Variants in ZBTB16 observed in about 807,000 individuals in gnomAD.
The protein encoded by ZBTB16 is zinc finger and BTB domain-containing protein 16.
A neutral mutation model predicts 56.8 loss-of-function variants in ZBTB16; 8 were observed. That is an observed-to-expected ratio of 0.14 (90% CI 0.08 to 0.25). ZBTB16 has a LOEUF of 0.25. ZBTB16 is among the 10% of genes least tolerant of loss of function. ZBTB16 has a pLI of 1.00. For synonymous variants in ZBTB16, 363 were observed against 368.5 expected, an observed-to-expected ratio of 0.98 and a Z score of 0.17; for missense variants, 625 against 903.0, an observed-to-expected ratio of 0.69 and a Z score of 3.95.
chr11:114,101,705 G>GA (rs2137754824), intron 2 of ZBTB16, among the ~76,000 whole-genome samples: 1 of 152,284 alleles, frequency 6.6e-6, no homozygotes, highest in Admixed American at 6.5e-5. Flanking sequence ...AAGATCAAAT[G>GA]AAAAAATACA....
chr11:114,069,503 G>T (rs900737513), intron 2 of ZBTB16, among the ~76,000 whole-genome samples: 15 of 152,330 alleles, frequency 9.8e-5, no homozygotes, highest in African/African-American at 2.9e-4. Flanking sequence ...CGGTGCATGA[G>T]CTTTGTGGCT....
At chr11:114,166,971 A>C (rs1045006688) in intron 3 of ZBTB16, among the ~76,000 whole-genome samples, 1 of 152,154 alleles carries the variant, frequency 6.6e-6, no homozygotes, top group Non-Finnish European at 1.5e-5. Context: ...GTGCAATACT[A>C]TGCATTTTCA....
chr11:114,233,932 T>A (rs1335914341), intron 4 of ZBTB16, among the ~76,000 whole-genome samples: 1 of 152,222 alleles, frequency 6.6e-6, no homozygotes, highest in Non-Finnish European at 1.5e-5. Context: ...CACAGCCACA[T>A]TCCCCAAGAG....
chr11:114,247,530 C>CCAGTCAAGGTGGCCTGAGGGCCAT (rs1431639310), intron 6 of ZBTB16, among the ~76,000 whole-genome samples, 165 bp downstream of exon 6: 3 of 152,176 alleles, frequency 2.0e-5, no homozygotes, highest in Non-Finnish European at 2.9e-5. Flanking sequence ...CCACCACACC[C>CCAGTCAAGGTGGCCTGAGGGCCAT]CAGTCAAGGT....
chr11:114,074,141 G>A (rs1057157607), intron 2 of ZBTB16, among the ~76,000 whole-genome samples: 2 of 152,224 alleles, frequency 1.3e-5, no homozygotes, highest in Non-Finnish European at 2.9e-5. Context: ...CACACAGAGT[G>A]TGAGGCCACC....
chr11:114,104,916 A>T (rs918055649), intron 2 of ZBTB16, among the ~76,000 whole-genome samples: 2 of 152,186 alleles, frequency 1.3e-5, no homozygotes, highest in African/African-American at 2.4e-5. Context: ...CCACTGGGGC[A>T]TCAGAAGGGG....
At chr11:114,195,332 A>C (rs1409850088) in intron 4 of ZBTB16, among the ~76,000 whole-genome samples, 1 of 152,156 alleles carries the variant, frequency 6.6e-6, no homozygotes, top group African/African-American at 2.4e-5. Flanking sequence ...TAGGGGACCC[A>C]GAGCAGCCAC....
chr11:114,165,955 A>G (rs145298880), intron 3 of ZBTB16, among the ~76,000 whole-genome samples: 97 of 152,240 alleles, frequency 6.4e-4, no homozygotes, highest in Middle Eastern at 3.4e-3. Flanking sequence ...ATGGTATTTC[A>G]CATGCTCTTC....
intron 2 of ZBTB16, among the ~76,000 whole-genome samples, chr11:114,082,237 G>A (rs545603245): frequency 7.2e-5 from 11 of 151,992 alleles, no homozygotes; most frequent in East Asian, 3.9e-4. Flanking sequence ...CTATGATCAC[G>A]CCACTGCACT....
intron 4 of ZBTB16, among the ~76,000 whole-genome samples, chr11:114,191,187 T>C (rs988312763): frequency 2.0e-5 from 3 of 152,282 alleles, no homozygotes; most frequent in African/African-American, 7.2e-5. Context: ...ACCTCCAGCA[T>C]TGGGGATTAC....
At chr11:114,103,961 T>C (rs1176353284) in intron 2 of ZBTB16, among the ~76,000 whole-genome samples, 1 of 152,170 alleles carries the variant, frequency 6.6e-6, no homozygotes, top group Non-Finnish European at 1.5e-5. Flanking sequence ...AATGAATGTG[T>C]GGGTTATCCA....
chr11:114,087,564 A>G (rs566239561), intron 2 of ZBTB16, among the ~76,000 whole-genome samples: 1 of 151,868 alleles, frequency 6.6e-6, no homozygotes, highest in East Asian at 1.9e-4. Flanking sequence ...CATATCCACC[A>G]TTTGCCTCTC....
At chr11:114,193,779 A>G (rs1278810847) in intron 4 of ZBTB16, among the ~76,000 whole-genome samples, 1 of 152,192 alleles carries the variant, frequency 6.6e-6, no homozygotes, top group African/African-American at 2.4e-5. Context: ...GCTCTGAAAA[A>G]GAGAAGGAAT....
intron 2 of ZBTB16, among the ~76,000 whole-genome samples, chr11:114,073,566 T>C (rs1939432527): frequency 6.6e-6 from 1 of 152,196 alleles, no homozygotes; most frequent in South Asian, 2.1e-4. Context: ...AAACTTCCGC[T>C]AAATACTTAG....
At chr11:114,230,673 A>G (rs1365482147) in intron 4 of ZBTB16, among the ~76,000 whole-genome samples, 2 of 151,700 alleles carry the variant, frequency 1.3e-5, no homozygotes, top group Non-Finnish European at 1.5e-5. Context: ...AAATGTCAGT[A>G]AAATGAATAC....
intron 2 of ZBTB16, among the ~76,000 whole-genome samples, chr11:114,137,331 G>C (rs2106234): frequency 6.6e-6 from 1 of 151,968 alleles, no homozygotes; most frequent in African/African-American, 2.4e-5. Flanking sequence ...TCATACCGCT[G>C]CCCTCTCCCT....
At chr11:114,147,871 A>G (rs1166266710) in intron 2 of ZBTB16, among the ~76,000 whole-genome samples, 1 of 152,220 alleles carries the variant, frequency 6.6e-6, no homozygotes, top group Non-Finnish European at 1.5e-5. Context: ...AACTTCACAG[A>G]TAAGCACGCT....
intron 2 of ZBTB16, among the ~76,000 whole-genome samples, chr11:114,155,208 C>T (rs577267636): frequency 5.3e-5 from 8 of 152,344 alleles, no homozygotes; most frequent in African/African-American, 1.7e-4. Flanking sequence ...CTGGCTGCCA[C>T]GCCTGCCCTG....
intron 4 of ZBTB16, among the ~76,000 whole-genome samples, chr11:114,225,392 T>C (rs1442944649): frequency 6.6e-6 from 1 of 152,196 alleles, no homozygotes; most frequent in African/African-American, 2.4e-5. Context: ...TGTGCTGCTG[T>C]AGCAGAATGC....
Sources: gnomAD v4.1 joint callset for allele counts (sites outside exome capture counted in the v4.1 genomes callset) on GRCh38, gnomAD v4.1.1 for gene constraint, MANE v1.5 for transcripts, NCBI Gene and HGNC (gene_info 2026-07-23, HGNC 2026-07-21) for gene names.